FLNB: variants seen among roughly 807,000 people sequenced by gnomAD.
FLNB encodes filamin-B.
Under a neutral mutation model 250.6 loss-of-function variants are expected in FLNB, and 111 were observed. That is an observed-to-expected ratio of 0.44 (90% CI 0.38 to 0.52). FLNB has a LOEUF of 0.52. Ranked by LOEUF, FLNB falls within the 20% of genes least tolerant of loss-of-function variation. FLNB has a pLI of 0.00. For missense variants in FLNB, 2,869 were observed against 3,447.8 expected (o/e 0.83, Z 4.20); for synonymous variants, 1,302 against 1,372.1 (o/e 0.95, Z 1.13).
At chr3:58,062,746 T>G (rs2097180345) in intron 1 of FLNB, among the ~76,000 whole-genome samples, 1 of 152,112 alleles carries the variant, frequency 6.6e-6, no homozygotes, top group South Asian at 2.1e-4. Flanking sequence ...CTGTGTCCCA[T>G]TAGGGACCCA....
intron 42 of FLNB, among the ~76,000 whole-genome samples, chr3:58,161,374 G>A (rs2097361477): frequency 6.6e-6 from 1 of 152,128 alleles, no homozygotes; most frequent in South Asian, 2.1e-4. Context: ...TACTTTGAGG[G>A]GTTTTGAAGG....
chr3:58,060,280 G>T (rs2097176109), intron 1 of FLNB, among the ~76,000 whole-genome samples: 1 of 152,068 alleles, frequency 6.6e-6, no homozygotes, highest in Non-Finnish European at 1.5e-5. Flanking sequence ...ACTTTGGAAG[G>T]CAGAGGCGGG....
chr3:58,069,620 A>G (rs912774048), intron 1 of FLNB, among the ~76,000 whole-genome samples: 1 of 151,866 alleles, frequency 6.6e-6, no homozygotes, highest in African/African-American at 2.4e-5. Flanking sequence ...CGGGTGGTTT[A>G]GAAGACCAGC....
chr3:58,112,833 A>T (rs1361720300), intron 18 of FLNB, among the ~76,000 whole-genome samples: 1 of 152,208 alleles, frequency 6.6e-6, no homozygotes, highest in Non-Finnish European at 1.5e-5. Flanking sequence ...TCAAAGAGCC[A>T]GTTCAGCCTT....
intron 1 of FLNB, among the ~76,000 whole-genome samples, chr3:58,019,134 T>C (rs1396216714): frequency 6.6e-6 from 1 of 152,078 alleles, no homozygotes; most frequent in African/African-American, 2.4e-5. Flanking sequence ...GAGACCCGTT[T>C]CTAAAACAAA....
At chr3:58,056,544 G>T (rs979709607) in intron 1 of FLNB, among the ~76,000 whole-genome samples, 1 of 151,960 alleles carries the variant, frequency 6.6e-6, no homozygotes, top group Non-Finnish European at 1.5e-5. Context: ...AAAAAGTTTT[G>T]GTCTTGCTCA....
intron 1 of FLNB, among the ~76,000 whole-genome samples, chr3:58,068,255 T>C (rs1409617917): frequency 6.6e-6 from 1 of 152,250 alleles, no homozygotes; most frequent in Non-Finnish European, 1.5e-5. Context: ...GCATCAGTTA[T>C]CAGGGCCTTA....
chr3:58,160,287 C>T (rs1353052965), intron 42 of FLNB, among the ~76,000 whole-genome samples: 1 of 152,222 alleles, frequency 6.6e-6, no homozygotes, highest in Non-Finnish European at 1.5e-5. Flanking sequence ...ATCTGGGTCT[C>T]TAGGCCCTAA....
At chr3:58,101,392 T>C (rs2097251026) in intron 8 of FLNB, among the ~76,000 whole-genome samples, 1 of 152,206 alleles carries the variant, frequency 6.6e-6, no homozygotes, top group African/African-American at 2.4e-5. Context: ...AGGTTGTCCG[T>C]GCTGGGCAGA....
chr3:58,062,792 G>A (rs2097180391), intron 1 of FLNB, among the ~76,000 whole-genome samples: 1 of 152,220 alleles, frequency 6.6e-6, no homozygotes, highest in Non-Finnish European at 1.5e-5. Flanking sequence ...ATGCTCATCT[G>A]TGCTAGAAGG....
At chr3:58,149,126 G>T in intron 36 of FLNB, 1 of 468,238 alleles carries the variant, frequency 2.1e-6, no homozygotes, top group South Asian at 2.1e-5. Flanking sequence ...GCAAACCCCT[G>T]TTTTCTTATC....
Position 58,121,296 on chromosome 3 carries a change from C to T in FLNB, c.2919C>T (p.Gly973=), listed in dbSNP as rs763648933. The T allele has an allele frequency of 2.8e-5, 45 of 1,613,948 alleles. No homozygotes were observed. In the South Asian group the frequency reaches 3.6e-4, roughly 13 times the overall value. The change falls in exon 20 of 46, where the codon GGC becomes GGT. Residue 973 remains glycine, a synonymous_variant. Transcript: ENST00000295956. ...CCGTTGATACCAGGGGGGCAGGAGG[C>T]CAGGGGAAGCTGGACGTGACAATCC... ...EFTVDTRGAG[G]QGKLDVTILS... is the part of the protein sequence containing the mutation.
chr3:58,014,789 C>T (rs1226172159), intron 1 of FLNB, among the ~76,000 whole-genome samples: 1 of 152,084 alleles, frequency 6.6e-6, no homozygotes, highest in African/African-American at 2.4e-5. Flanking sequence ...AGTGCAGTGG[C>T]GTGATCTCGG....
chr3:58,093,306 T>G (rs1452864849), intron 4 of FLNB, among the ~76,000 whole-genome samples: 1 of 152,144 alleles, frequency 6.6e-6, no homozygotes, highest in Non-Finnish European at 1.5e-5. Flanking sequence ...CACATGGATG[T>G]GTTCACCAAC....
intron 1 of FLNB, among the ~76,000 whole-genome samples, chr3:58,025,133 CTT>C (rs57706596): frequency 6.9e-5 from 8 of 116,532 alleles, no homozygotes; most frequent in Non-Finnish European, 8.3e-5. Flanking sequence ...TTCTTTCTTT[CTT>C]TTTTTTTTTT....
chr3:58,157,976 A>G (rs991027882), intron 41 of FLNB, among the ~76,000 whole-genome samples: 6 of 152,148 alleles, frequency 3.9e-5, no homozygotes, highest in African/African-American at 1.4e-4. Flanking sequence ...GCCGAGTGAT[A>G]TGTAAATTAT....
At chr3:58,132,370 G>T (rs939952216) in intron 25 of FLNB, 6 of 410,442 alleles carry the variant, frequency 1.5e-5, no homozygotes, top group Non-Finnish European at 2.3e-5. Context: ...CACAAGTCTT[G>T]ACTAGCCAGC....
At chr3:58,123,840 G>A in intron 21 of FLNB, 150 bp downstream of exon 21, 1 of 691,734 alleles carries the variant, frequency 1.4e-6, no homozygotes, top group Non-Finnish European at 2.5e-6. Flanking sequence ...TCGGGGAGTA[G>A]TTGGGGGGCC....
Position 58,142,863 on chromosome 3 carries a change from G to C in FLNB, c.5284+111G>C. On this transcript the variant is annotated intron_variant, in intron 31 of 45. Coordinates refer to ENST00000295956, the MANE Select transcript of FLNB (RefSeq NM_001457.4). The surrounding 1 kb of genome is among the most constrained non-coding windows in gnomAD (Gnocchi z 4.3). Reference sequence around the variant, plus strand: ...CCCCAGACCCAGGCTCCTTAACCCAGGGTCACGAGTTCTTGGTCTCCGGTG... The same window carrying C: ...CCCCAGACCCAGGCTCCTTAACCCACGGTCACGAGTTCTTGGTCTCCGGTG... 1.1e-6 allele frequency: 1 copy of C among 906,676 alleles called. No homozygotes were observed. The highest frequency in any genetic ancestry group is 1.8e-6 in the Non-Finnish European group (1 of 558,870). The allele number at this position is 906,676 out of a possible 1,614,324, so 56.2% of individuals were successfully genotyped here. A position where few individuals can be genotyped will look rare whatever the true frequency, so the allele number is the denominator to read the frequency against.
Sources: allele counts gnomAD v4.1 joint callset (sites outside exome capture counted in the v4.1 genomes callset), GRCh38; gene constraint gnomAD v4.1.1; non-coding constraint Gnocchi (gnomAD v3.1); transcripts MANE v1.5; gene names NCBI Gene and HGNC (gene_info 2026-07-23, HGNC 2026-07-21).